TRABD2B: variants seen among roughly 807,000 people sequenced by gnomAD.
TRABD2B encodes metalloprotease TIKI2.
Under a neutral mutation model 40.1 loss-of-function variants are expected in TRABD2B, and 14 were observed. That is an observed-to-expected ratio of 0.35 (90% confidence interval 0.23 to 0.55). The LOEUF is 0.55. Among genes scored for constraint, TRABD2B ranks in the 20% least tolerant of loss-of-function variants. The pLI is 0.90. For synonymous variants in TRABD2B, 263 were observed against 277.0 expected (o/e 0.95, Z 0.50); for missense variants, 541 against 648.6 (o/e 0.83, Z 1.80).
chr1:47,884,602 TTTTA>T (rs1475485106), intron 2 of TRABD2B, among the ~76,000 whole-genome samples: 7 of 151,978 alleles, frequency 4.6e-5, no homozygotes, highest in African/African-American at 7.3e-5. Flanking sequence ...AGGGTCATCT[TTTTA>T]TTTATTTATT....
intron 2 of TRABD2B, among the ~76,000 whole-genome samples, chr1:47,838,575 C>T (rs1645350165): frequency 6.6e-6 from 1 of 152,212 alleles, no homozygotes; most frequent in African/African-American, 2.4e-5. Flanking sequence ...ACAATAGTCC[C>T]TAGGGTCAGT....
intron 2 of TRABD2B, among the ~76,000 whole-genome samples, chr1:47,974,393 T>A (rs1557689465): frequency 6.6e-6 from 1 of 152,150 alleles, no homozygotes; most frequent in African/African-American, 2.4e-5. Flanking sequence ...CCTTCTGGAT[T>A]CAGCTCTTAA....
chr1:47,929,187 C>A (rs955505955), intron 2 of TRABD2B, among the ~76,000 whole-genome samples: 1 of 152,188 alleles, frequency 6.6e-6, no homozygotes, highest in Non-Finnish European at 1.5e-5. Flanking sequence ...AAGCAAGGCA[C>A]CTGGAGCACA....
chr1:47,890,830 G>A (rs1644434714), intron 2 of TRABD2B, among the ~76,000 whole-genome samples: 2 of 152,344 alleles, frequency 1.3e-5, no homozygotes, highest in South Asian at 2.1e-4. Context: ...CAACAGCTTC[G>A]AAAGAAATCC....
intron 2 of TRABD2B, among the ~76,000 whole-genome samples, chr1:47,968,301 C>T (rs775488871): frequency 2.0e-5 from 3 of 152,152 alleles, no homozygotes; most frequent in Non-Finnish European, 4.4e-5. Flanking sequence ...AATCCTTTTC[C>T]TAGAGTCCGA....
rs143640486 is a variant in TRABD2B, at chr1:47,789,527, T to G, written c.988+5059A>C. Among the ~76,000 whole-genome samples the G allele has an allele frequency of 9.8e-5, 15 of 152,330 alleles. No homozygotes were observed. The East Asian group carries it at 2.9e-3, about 29-fold the overall frequency. On this transcript the variant is annotated intron_variant, in intron 4 of 6. Transcript: ENST00000606738. Reference sequence around the variant, plus strand: ...GCCCATGGGAGGAAACATCTTTAACTTCTTGTCCTGGTCAGTTCTTGTGGC... The same window carrying G: ...GCCCATGGGAGGAAACATCTTTAACGTCTTGTCCTGGTCAGTTCTTGTGGC...
intron 2 of TRABD2B, among the ~76,000 whole-genome samples, chr1:47,987,431 T>TAAA (rs1645935101): frequency 6.6e-6 from 1 of 152,170 alleles, no homozygotes; most frequent in African/African-American, 2.4e-5. Context: ...TTTGGATTTA[T>TAAA]GGTTGGAGAT....
intron 4 of TRABD2B, among the ~76,000 whole-genome samples, chr1:47,790,622 C>T (rs181184936): frequency 9.9e-4 from 151 of 152,354 alleles, no homozygotes; most frequent in African/African-American, 3.4e-3. Flanking sequence ...GCAAGGGCAC[C>T]ACGTGCAAGG....
chr1:47,898,784 GAT>G (rs1019469481), intron 2 of TRABD2B, among the ~76,000 whole-genome samples: 2 of 152,118 alleles, frequency 1.3e-5, no homozygotes, highest in Non-Finnish European at 2.9e-5. Context: ...ATGATGTATG[GAT>G]ATATACCATA....
At position 47,853,272 on chromosome 1, in the gene TRABD2B, G is replaced by A. The variant is rs1195466552; in HGVS notation, c.667-51653C>T. Among the ~76,000 whole-genome samples, 4 of 152,164 alleles carry A rather than the reference G, an allele frequency of 2.6e-5. No homozygotes were observed. In the South Asian group the frequency reaches 6.2e-4, roughly 24 times the overall value. ...CAGCCTGGGGCCCAAACCCACCAAC[G>A]CACCCCGGCATTGTCTAGCAGTGGC... On this transcript the variant is annotated intron_variant, in intron 2 of 6. Transcript: ENST00000606738.
At chr1:47,811,293 C>T (rs1644962125) in intron 2 of TRABD2B, among the ~76,000 whole-genome samples, 1 of 152,152 alleles carries the variant, frequency 6.6e-6, no homozygotes, top group Non-Finnish European at 1.5e-5. Flanking sequence ...AGTGCCCAGC[C>T]ACAACCCAAG....
chr1:47,993,828 T>C (rs1646047817), intron 2 of TRABD2B, among the ~76,000 whole-genome samples: 1 of 152,132 alleles, frequency 6.6e-6, no homozygotes, highest in Non-Finnish European at 1.5e-5. Flanking sequence ...ACGCAGACTC[T>C]TACCCCAAAT....
chr1:47,784,332 T>C (rs1189649602), intron 4 of TRABD2B, among the ~76,000 whole-genome samples: 1 of 152,192 alleles, frequency 6.6e-6, no homozygotes, highest in African/African-American at 2.4e-5. Flanking sequence ...CCTTCCAAGG[T>C]TCACCAGATC....
chr1:47,960,343 T>C (rs1334275706), intron 2 of TRABD2B, among the ~76,000 whole-genome samples: 3 of 152,162 alleles, frequency 2.0e-5, no homozygotes, highest in African/African-American at 4.8e-5. Flanking sequence ...CTATTCAACA[T>C]AGTGTTGGAA....
chr1:47,766,239 AGGCAAACCG>A (rs946894441), intron 6 of TRABD2B, 133 bp from the exon 7 acceptor site: 197 of 625,008 alleles, frequency 3.2e-4, no homozygotes, highest in Non-Finnish European at 4.9e-4. Context: ...GAGCTTGAGC[AGGCAAACCG>A]GGCAGCCCAG....
intron 2 of TRABD2B, among the ~76,000 whole-genome samples, chr1:47,984,864 C>G (rs1432723561): frequency 6.6e-6 from 1 of 152,062 alleles, no homozygotes; most frequent in Non-Finnish European, 1.5e-5. Context: ...TGCTGTGTCC[C>G]CTACCAAGAA....
At chr1:47,988,055 C>A (rs1645946602) in intron 2 of TRABD2B, among the ~76,000 whole-genome samples, 1 of 152,094 alleles carries the variant, frequency 6.6e-6, no homozygotes, top group Non-Finnish European at 1.5e-5. Context: ...CTCTAAGGAG[C>A]GCACATAGAT....
chr1:47,780,848 C>A (rs949824561), intron 4 of TRABD2B, among the ~76,000 whole-genome samples: 2 of 152,214 alleles, frequency 1.3e-5, no homozygotes, highest in Non-Finnish European at 2.9e-5. Flanking sequence ...CTGTTGAGGA[C>A]AAAAGATCCA....
intron 2 of TRABD2B, among the ~76,000 whole-genome samples, chr1:47,945,652 T>C (rs1342174415): frequency 1.3e-5 from 2 of 152,216 alleles, no homozygotes; most frequent in African/African-American, 2.4e-5. Context: ...CAGAATGTCA[T>C]ATAAATGAAT....
Sources: gnomAD v4.1 joint callset for allele counts (sites outside exome capture counted in the v4.1 genomes callset) on GRCh38, gnomAD v4.1.1 for gene constraint, MANE v1.5 for transcripts, NCBI Gene and HGNC (gene_info 2026-07-23, HGNC 2026-07-21) for gene names.